CCSER1: variants seen among roughly 807,000 people sequenced by gnomAD.
CCSER1 encodes the protein coiled-coil serine rich protein 1.
Under a neutral mutation model 82.0 loss-of-function variants are expected in CCSER1, and 41 were observed. That is an observed-to-expected ratio of 0.50 (90% CI 0.39 to 0.65). The LOEUF (loss-of-function observed/expected upper bound fraction) is 0.65. Among genes scored for constraint, CCSER1 ranks in the 30% least tolerant of loss-of-function variants. The pLI is 0.00. For synonymous variants in CCSER1, 414 were observed against 383.9 expected (o/e 1.08, Z -0.92); for missense variants, 1,119 against 1,064.2 (o/e 1.05, Z -0.72).
At chr4:90,952,326 T>C (rs1338615748) in intron 9 of CCSER1, among the ~76,000 whole-genome samples, 2 of 152,076 alleles carry the variant, frequency 1.3e-5, no homozygotes, top group African/African-American at 4.8e-5. Context: ...CAGTGAACAC[T>C]GAGCAATACC....
chr4:90,825,979 C>T (rs547135834), intron 8 of CCSER1, among the ~76,000 whole-genome samples: 86 of 152,024 alleles, frequency 5.7e-4, no homozygotes, highest in Non-Finnish European at 9.3e-4. Flanking sequence ...CCTGAGTCAC[C>T]GCACTCAGCA....
At chr4:91,105,973 G>C (rs1725571934) in intron 10 of CCSER1, among the ~76,000 whole-genome samples, 1 of 152,048 alleles carries the variant, frequency 6.6e-6, no homozygotes, top group Non-Finnish European at 1.5e-5. Flanking sequence ...CCTTACTGGG[G>C]ATATTTTTAA....
intron 10 of CCSER1, among the ~76,000 whole-genome samples, chr4:91,220,296 T>C (rs1307053117): frequency 6.6e-6 from 1 of 152,226 alleles, no homozygotes; most frequent in Non-Finnish European, 1.5e-5. Flanking sequence ...CCCCTGGAAA[T>C]GTATGCTCGT....
chr4:90,335,364 A>G (rs1277968833), intron 3 of CCSER1, among the ~76,000 whole-genome samples: 1 of 152,208 alleles, frequency 6.6e-6, no homozygotes, highest in Non-Finnish European at 1.5e-5. Flanking sequence ...TAATTAATTA[A>G]TGATGAGTGG....
chr4:91,600,981 CA>C lies in CCSER1; in HGVS notation c.*1925del, dbSNP rs1164747072. On this transcript the variant is annotated 3_prime_UTR_variant, in exon 11 of 11. Transcript: ENST00000509176. ...AGAAATGATAGGAAAATAGAAAAATCATGATTATTAATTGTGGAATTCAGCT... is the reference window on the plus strand; with the variant it reads ...AGAAATGATAGGAAAATAGAAAAATCTGATTATTAATTGTGGAATTCAGCT... 1 of 152,028 alleles carries C rather than the reference CA, an allele frequency of 6.6e-6. No homozygotes were observed. Among genetic ancestry groups the C allele is most frequent in the Non-Finnish European group, 1.5e-5 (1 of 67,976 alleles). 9.4% of individuals were successfully genotyped at this position (152,028 alleles called of 1,614,324 possible).
chr4:91,375,934 G>A (rs1346141636), intron 10 of CCSER1, among the ~76,000 whole-genome samples: 2 of 151,716 alleles, frequency 1.3e-5, no homozygotes, highest in Non-Finnish European at 2.9e-5. Flanking sequence ...CTACTTTACA[G>A]GTAAAATCAG....
intron 10 of CCSER1, among the ~76,000 whole-genome samples, chr4:91,548,928 TA>T (rs1762023558): frequency 6.6e-6 from 1 of 152,198 alleles, no homozygotes. Context: ...TCTTCATCAT[TA>T]TTCCTTAAAA....
intron 1 of CCSER1, among the ~76,000 whole-genome samples, chr4:90,231,735 C>T (rs978331423): frequency 3.1e-4 from 47 of 152,154 alleles, no homozygotes; most frequent in African/African-American, 1.1e-3. Flanking sequence ...ATTGTCTTAG[C>T]CCAAAATCTC....
intron 10 of CCSER1, among the ~76,000 whole-genome samples, chr4:91,537,158 C>G (rs1253339824): frequency 6.6e-6 from 1 of 152,090 alleles, no homozygotes; most frequent in South Asian, 2.1e-4. Flanking sequence ...TTTACAGCAT[C>G]CCTGTGAAAG....
At chr4:90,178,330 T>A (rs6813752) in intron 1 of CCSER1, among the ~76,000 whole-genome samples, 104,361 of 151,902 alleles carry the variant, frequency 0.69, 36,939 homozygotes, top group East Asian at 0.85. Flanking sequence ...GGGAAAAATT[T>A]AACAGTTTTG....
At chr4:90,756,227 CA>C (rs551387518) in intron 7 of CCSER1, among the ~76,000 whole-genome samples, 1 of 151,420 alleles carries the variant, frequency 6.6e-6, no homozygotes, top group African/African-American at 2.4e-5. Context: ...GACTCTGTCT[CA>C]AAAAAACAAA....
chr4:90,551,341 C>A (rs772755294), intron 5 of CCSER1, among the ~76,000 whole-genome samples: 3 of 152,118 alleles, frequency 2.0e-5, no homozygotes, highest in Non-Finnish European at 2.9e-5. Context: ...TTTTCTCCCT[C>A]ATATTTCATA....
At chr4:91,438,452 G>T (rs1392590045) in intron 10 of CCSER1, among the ~76,000 whole-genome samples, 2 of 152,038 alleles carry the variant, frequency 1.3e-5, no homozygotes, top group Non-Finnish European at 2.9e-5. Context: ...CTAACAAACA[G>T]AAAGGACATC....
At chr4:91,059,278 CATT>C (rs1211495054) in intron 9 of CCSER1, among the ~76,000 whole-genome samples, 2 of 145,920 alleles carry the variant, frequency 1.4e-5, no homozygotes, top group African/African-American at 2.6e-5. Flanking sequence ...TGAACCACAT[CATT>C]AAGCTGAAAT....
Position 90,127,690 on chromosome 4 carries a change from A to G in CCSER1, c.-183A>G, listed in dbSNP as rs1722012020. Reference sequence around the variant, plus strand: ...TAAATAACGCAGCTGGACTCTGTGCAACTGGGAGTGGAGAGGAGCCCAACA... The same window carrying G: ...TAAATAACGCAGCTGGACTCTGTGCGACTGGGAGTGGAGAGGAGCCCAACA... On this transcript the variant is annotated 5_prime_UTR_variant, in exon 1 of 11. Transcript: ENST00000509176. 1 of 153,072 alleles carries G rather than the reference A, an allele frequency of 6.5e-6. No homozygotes were observed. The allele number at this position is 153,072 out of a possible 1,614,324, so 9.5% of individuals were successfully genotyped here.
intron 5 of CCSER1, among the ~76,000 whole-genome samples, chr4:90,584,193 C>T (rs1781735970): frequency 6.7e-6 from 1 of 150,236 alleles, no homozygotes; most frequent in Admixed American, 6.6e-5. Flanking sequence ...TCATTGATCT[C>T]AACATAAGGA....
chr4:91,019,664 A>G (rs575776558), intron 9 of CCSER1, among the ~76,000 whole-genome samples: 49 of 152,178 alleles, frequency 3.2e-4, no homozygotes, highest in Non-Finnish European at 6.3e-4. Context: ...ACAGGAATCA[A>G]TAATGATGAA....
At chr4:91,371,737 T>C (rs1750063675) in intron 10 of CCSER1, among the ~76,000 whole-genome samples, 1 of 152,188 alleles carries the variant, frequency 6.6e-6, no homozygotes, top group African/African-American at 2.4e-5. Flanking sequence ...GCAAGTAATT[T>C]GGAGTCTCAT....
intron 9 of CCSER1, among the ~76,000 whole-genome samples, chr4:90,955,983 G>T (rs1300122877): frequency 6.6e-6 from 1 of 152,034 alleles, no homozygotes; most frequent in Non-Finnish European, 1.5e-5. Context: ...TTTTTCTTGT[G>T]TATTATATAT....
Sources: gnomAD v4.1 joint callset for allele counts (sites outside exome capture counted in the v4.1 genomes callset) on GRCh38, gnomAD v4.1.1 for gene constraint, MANE v1.5 for transcripts, NCBI Gene and HGNC (gene_info 2026-07-23, HGNC 2026-07-21) for gene names.